CDCA2: variants seen among roughly 807,000 people sequenced by gnomAD.
CDCA2 encodes cell division cycle associated 2.
CDCA2 carries 44 observed loss-of-function variants against 67.0 expected under a neutral mutation model. The observed-to-expected ratio is 0.66, with a 90% CI of 0.52 to 0.84. The LOEUF is 0.84. Ranked by LOEUF, CDCA2 falls within the 40% of genes least tolerant of loss-of-function variation. The pLI, the probability that CDCA2 is intolerant of heterozygous loss-of-function variation, is 0.00. For synonymous variants in CDCA2, 447 were observed against 418.7 expected, an observed-to-expected ratio of 1.07 and a Z score of -0.82; for missense variants, 1,253 against 1,203.2, an observed-to-expected ratio of 1.04 and a Z score of -0.61.
At chr8:25,503,620 C>G (rs1167476328) in intron 14 of CDCA2, 76 bp downstream of exon 14, 2 of 1,421,366 alleles carry the variant, frequency 1.4e-6, no homozygotes, top group African/African-American at 2.9e-5. Flanking sequence ...ACTTTTTTCA[C>G]TTTTTTCCCA....
At position 25,483,954 on chromosome 8, in the gene CDCA2, G is replaced by A. The variant is rs779113612; in HGVS notation, c.1121-12G>A. 1 of 1,604,270 alleles carries A rather than the reference G, an allele frequency of 6.2e-7. No individual in the cohort carries two copies. The highest frequency in any genetic ancestry group is 8.5e-7 in the Non-Finnish European group (1 of 1,172,586). On this transcript the variant is annotated splice_polypyrimidine_tract_variant and intron_variant, in intron 9 of 14. Coordinates refer to ENST00000330560, the MANE Select transcript of CDCA2 (RefSeq NM_152562.4). ...AATTTTTAAGTTACTCTCATTTATT[G>A]TCTAATTATAGAAGATGAAGAAAAT...
In CDCA2 at chr8:25,466,340, T is replaced by C; in HGVS notation, c.538+15T>C. The C allele has an allele frequency of 6.4e-7, 1 of 1,567,398 alleles. No individual in the cohort carries two copies. The highest frequency in any genetic ancestry group is 8.6e-7 in the Non-Finnish European group (1 of 1,163,090). ...GACAGACTTGAGTGAGTAGAAATAA[T>C]TCGTTCAGTTTTGACTTCAATATTT... On this transcript the variant is annotated intron_variant, in intron 5 of 14. Coordinates refer to ENST00000330560, the MANE Select transcript of CDCA2 (RefSeq NM_152562.4).
chr8:25,495,580 A>C (rs1382598447), intron 13 of CDCA2, among the ~76,000 whole-genome samples: 1 of 151,944 alleles, frequency 6.6e-6, no homozygotes, highest in Non-Finnish European at 1.5e-5. Context: ...ACGCCCGGCT[A>C]ATTTTTTATT....
intron 13 of CDCA2, among the ~76,000 whole-genome samples, chr8:25,497,493 A>T (rs111476333): frequency 2.0e-3 from 12 of 6,022 alleles, no homozygotes; most frequent in Admixed American, 3.9e-3. Context: ...TGGAATCTTT[A>T]AAAAATAAAA....
chr8:25,501,019 C>G (rs1563284337), intron 13 of CDCA2, among the ~76,000 whole-genome samples: 1 of 152,106 alleles, frequency 6.6e-6, no homozygotes, highest in Non-Finnish European at 1.5e-5. Context: ...TTTCTTTTCT[C>G]TTGGCTTTCA....
intron 13 of CDCA2, among the ~76,000 whole-genome samples, chr8:25,499,771 A>G (rs747849778): frequency 1.4e-4 from 22 of 152,160 alleles, no homozygotes; most frequent in Non-Finnish European, 2.1e-4. Context: ...TTTAGGGACA[A>G]TCCCTTCAGT....
chr8:25,473,651 C>T (rs922482902), intron 7 of CDCA2, among the ~76,000 whole-genome samples: 28 of 152,196 alleles, frequency 1.8e-4, no homozygotes, highest in Non-Finnish European at 2.9e-5. Context: ...TAAACATCTC[C>T]AACGTGGTTT....
intron 7 of CDCA2, among the ~76,000 whole-genome samples, chr8:25,470,554 C>G (rs1803110995): frequency 6.6e-6 from 1 of 152,074 alleles, no homozygotes; most frequent in African/African-American, 2.4e-5. Context: ...CATATGTTTT[C>G]TATTCCTGAT....
intron 3 of CDCA2, among the ~76,000 whole-genome samples, chr8:25,461,457 G>GGGCACTA (rs1257394282): frequency 2.0e-5 from 3 of 152,274 alleles, no homozygotes; most frequent in African/African-American, 7.2e-5. Context: ...GAATATCACA[G>GGGCACTA]GGCACTAGAC....
intron 4 of CDCA2, 64 bp from the exon 5 acceptor site, chr8:25,466,111 A>C: frequency 1.4e-6 from 2 of 1,462,308 alleles, no homozygotes; most frequent in Non-Finnish European, 1.8e-6. Flanking sequence ...CAATGGCTGT[A>C]GGCCTAGAAT....
At chr8:25,465,241 T>TG (rs1215373523) in intron 4 of CDCA2, among the ~76,000 whole-genome samples, 26 of 152,220 alleles carry the variant, frequency 1.7e-4, no homozygotes, top group African/African-American at 6.3e-4. Flanking sequence ...CCCAAAATGC[T>TG]GGGATTACAT....
intron 8 of CDCA2, among the ~76,000 whole-genome samples, chr8:25,482,783 T>C (rs1803622116): frequency 6.6e-6 from 1 of 152,182 alleles, no homozygotes. Flanking sequence ...GGTAGGAGAA[T>C]GGCTTGAACC....
At chr8:25,498,861 G>A (rs1044698874) in intron 13 of CDCA2, among the ~76,000 whole-genome samples, 5 of 152,138 alleles carry the variant, frequency 3.3e-5, no homozygotes, top group Admixed American at 6.5e-5. Flanking sequence ...ATTCTCTGGA[G>A]ATTTGTCCAG....
intron 13 of CDCA2, among the ~76,000 whole-genome samples, chr8:25,501,978 A>C (rs550522346): frequency 2.6e-5 from 4 of 152,172 alleles, no homozygotes; most frequent in African/African-American, 9.6e-5. Context: ...GCTCACTGCA[A>C]CCTCTGCCTC....
chr8:25,467,106 C>A (rs2117484546), intron 5 of CDCA2, among the ~76,000 whole-genome samples: 1 of 143,546 alleles, frequency 7.0e-6, no homozygotes, highest in African/African-American at 2.6e-5. Context: ...TGATAATCTG[C>A]TATATTCTTT....
At chr8:25,502,051 C>T (rs1804499635) in intron 13 of CDCA2, among the ~76,000 whole-genome samples, 1 of 152,148 alleles carries the variant, frequency 6.6e-6, no homozygotes, top group Non-Finnish European at 1.5e-5. Flanking sequence ...GTGCGCACCA[C>T]CACGCCCAGT....
At chr8:25,487,184 G>T in intron 11 of CDCA2, 62 bp from the exon 12 acceptor site, 1 of 978,698 alleles carries the variant, frequency 1.0e-6, no homozygotes, top group South Asian at 1.3e-5. Context: ...TGTTTCCAAA[G>T]GAAGATGTAT....
Position 25,466,309 on chromosome 8 carries a change from C to A in CDCA2, c.522C>A (p.Ser174=). Residue 174 remains serine (S), a synonymous_variant, in exon 5 of 15, where the codon TCC becomes TCA. Coordinates refer to ENST00000330560, the MANE Select transcript of CDCA2 (RefSeq NM_152562.4). ...AATTCTCAGAGGCAGGAAAAGAGTC[C>A]GAGATGACAGACTTGAGTGAGTAGA... ...CLEFSEAGKE[S]EMTDLTRKEG... is the part of the protein sequence containing the mutation. 6.2e-7 allele frequency: 1 copy of A among 1,601,434 alleles called. No homozygotes were observed. The highest frequency in any genetic ancestry group is 8.5e-7 in the Non-Finnish European group (1 of 1,176,662).
chr8:25,481,630 C>G (rs1041399201), intron 8 of CDCA2, among the ~76,000 whole-genome samples: 2 of 152,022 alleles, frequency 1.3e-5, no homozygotes, highest in African/African-American at 4.8e-5. Flanking sequence ...GCAGAGCTTT[C>G]AGTGAGCCGA....
Sources: allele counts gnomAD v4.1 joint callset (sites outside exome capture counted in the v4.1 genomes callset), GRCh38; gene constraint gnomAD v4.1.1; transcripts MANE v1.5; gene names NCBI Gene and HGNC (gene_info 2026-07-23, HGNC 2026-07-21).